The following PATJ variants were observed in gnomAD, a reference collection of about 807,000 sequenced individuals.
The protein encoded by PATJ is inaD-like protein.
PATJ carries 190 observed loss-of-function variants against 224.9 expected under a neutral mutation model. The observed-to-expected ratio is 0.84, with a 90% CI of 0.75 to 0.95. The LOEUF (loss-of-function observed/expected upper bound fraction) is 0.95. PATJ is among the 40% of genes least tolerant of loss of function. PATJ has a pLI of 0.00. For missense variants in PATJ, 2,121 were observed against 2,270.3 expected, an observed-to-expected ratio of 0.93 and a Z score of 1.34; for synonymous variants, 769 against 820.3, an observed-to-expected ratio of 0.94 and a Z score of 1.07.
At chr1:61,750,252 A>C (rs1296128749) in intron 1 of PATJ, among the ~76,000 whole-genome samples, 2 of 152,052 alleles carry the variant, frequency 1.3e-5, no homozygotes, top group African/African-American at 2.4e-5. Context: ...CCTTGCTTTG[A>C]CCCTTTGCAC....
chr1:62,062,392 C>CTTTTTTTTTTTTTTTTTTTTTTTTT lies in PATJ; in HGVS notation c.4125+11337_4125+11361dup, dbSNP rs60747316. Among the ~76,000 whole-genome samples, 12 of 28,456 alleles carry CTTTTTTTTTTTTTTTTTTTTTTTTT rather than the reference C, an allele frequency of 4.2e-4. 2 individuals are homozygous for CTTTTTTTTTTTTTTTTTTTTTTTTT. Among genetic ancestry groups the CTTTTTTTTTTTTTTTTTTTTTTTTT allele is most frequent in the African/African-American group, 6.4e-4 (4 of 6,264 alleles). The allele number at this position is 28,456 out of a possible 152,430, so 18.7% of individuals were successfully genotyped here. ...TGGTTGGCTGCTTCTATGTTGTCTT[C>CTTTTTTTTTTTTTTTTTTTTTTTTT]TTTTTTTTTTTTTTTTTTTTTTTTT... On this transcript the variant is annotated intron_variant, in intron 31 of 43. Coordinates refer to ENST00000642238, the MANE Select transcript of PATJ (RefSeq NM_001350145.3).
chr1:61,857,137 A>G (rs1663817629), intron 18 of PATJ, among the ~76,000 whole-genome samples: 1 of 152,124 alleles, frequency 6.6e-6, no homozygotes, highest in Non-Finnish European at 1.5e-5. Flanking sequence ...CTTATGACTG[A>G]AGGCTACATT....
chr1:61,974,214 G>T (rs143707657), intron 27 of PATJ, among the ~76,000 whole-genome samples: 1 of 151,948 alleles, frequency 6.6e-6, no homozygotes, highest in Non-Finnish European at 1.5e-5. Context: ...GATAGTTTGA[G>T]CATGGGCGCC....
At chr1:62,143,319 A>G (rs1357466187) in intron 41 of PATJ, among the ~76,000 whole-genome samples, 1 of 152,132 alleles carries the variant, frequency 6.6e-6, no homozygotes, top group East Asian at 1.9e-4. Context: ...AGAAAAGTGA[A>G]TTGAAGGAGA....
intron 27 of PATJ, among the ~76,000 whole-genome samples, chr1:61,942,844 C>A (rs1678024089): frequency 6.6e-6 from 1 of 152,142 alleles, no homozygotes; most frequent in South Asian, 2.1e-4. Context: ...CCACCATGCC[C>A]AGCCAGCAGT....
At chr1:61,838,009 G>A (rs1253931808) in intron 17 of PATJ, among the ~76,000 whole-genome samples, 1 of 152,100 alleles carries the variant, frequency 6.6e-6, no homozygotes, top group African/African-American at 2.4e-5. Context: ...AGTACAAAGT[G>A]TGAAAATTCA....
At chr1:61,905,412 A>G (rs1272911495) in intron 24 of PATJ, among the ~76,000 whole-genome samples, 2 of 152,270 alleles carry the variant, frequency 1.3e-5, no homozygotes, top group Non-Finnish European at 2.9e-5. Context: ...ATTTCAAGAT[A>G]TGAATTGTGA....
chr1:62,079,193 CAG>C (rs1658842787), intron 31 of PATJ, among the ~76,000 whole-genome samples: 1 of 152,122 alleles, frequency 6.6e-6, no homozygotes, highest in Non-Finnish European at 1.5e-5. Flanking sequence ...ATCACACTGA[CAG>C]AGTATCTTCA....
chr1:62,042,303 G>C (rs1651661453), intron 30 of PATJ, among the ~76,000 whole-genome samples: 1 of 152,190 alleles, frequency 6.6e-6, no homozygotes, highest in African/African-American at 2.4e-5. Context: ...ACTGTTGGCT[G>C]TGGTAACTGC....
chr1:61,875,847 A>G (rs1406243752), intron 21 of PATJ, among the ~76,000 whole-genome samples: 2 of 152,160 alleles, frequency 1.3e-5, no homozygotes, highest in Non-Finnish European at 2.9e-5. Context: ...AAGAATTCTA[A>G]AAGTATAGTG....
chr1:61,989,009 A>T (rs1252000000), intron 27 of PATJ, among the ~76,000 whole-genome samples: 1 of 152,226 alleles, frequency 6.6e-6, no homozygotes, highest in Non-Finnish European at 1.5e-5. Flanking sequence ...GGTAGTAGGC[A>T]TGAAGCCTTT....
At chr1:61,977,799 C>A (rs113564013) in intron 27 of PATJ, among the ~76,000 whole-genome samples, 5,869 of 150,832 alleles carry the variant, frequency 0.039, 339 homozygotes, top group African/African-American at 0.11. Flanking sequence ...AGGATCCCTG[C>A]GGCCAGGAGT....
chr1:62,092,508 G>A (rs796077738), intron 33 of PATJ, among the ~76,000 whole-genome samples: 15 of 146,698 alleles, frequency 1.0e-4, no homozygotes, highest in East Asian at 4.0e-4. Context: ...CACTCTTGTC[G>A]TCCAGGCTGG....
chr1:62,017,389 G>A (rs1056820019), intron 28 of PATJ, among the ~76,000 whole-genome samples: 7 of 150,098 alleles, frequency 4.7e-5, no homozygotes, highest in African/African-American at 1.7e-4. Context: ...ACCCCATCCT[G>A]GGTGACTAAG....
intron 22 of PATJ, among the ~76,000 whole-genome samples, chr1:61,887,734 G>A (rs910228226): frequency 2.0e-5 from 3 of 152,144 alleles, no homozygotes; most frequent in Admixed American, 6.5e-5. Context: ...GTCTTGGGGT[G>A]CGGCGTGACA....
intron 18 of PATJ, among the ~76,000 whole-genome samples, chr1:61,859,385 G>T (rs569208741): frequency 6.6e-6 from 1 of 152,054 alleles, no homozygotes; most frequent in Non-Finnish European, 1.5e-5. Flanking sequence ...GGCCAATGAA[G>T]GGATTGAGAG....
rs139958274 is a variant in PATJ, at chr1:61,964,833, C to T, written c.3671-25335C>T. 9.5e-3 allele frequency among the ~76,000 whole-genome samples: 1,438 copies of T among 151,264 alleles called. 14 individuals are homozygous for T. Among genetic ancestry groups the T allele is most frequent in the African/African-American group, 0.013 (548 of 41,232 alleles). On this transcript the variant is annotated intron_variant, in intron 27 of 43. Coordinates refer to ENST00000642238, the MANE Select transcript of PATJ (RefSeq NM_001350145.3). ...AAAAAGGTATTTAAATCCTGCTGGCCGACCGTGGTGGCCGATGCCTGTAAT... is the reference window on the plus strand; with the variant it reads ...AAAAAGGTATTTAAATCCTGCTGGCTGACCGTGGTGGCCGATGCCTGTAAT...
At chr1:61,800,474 T>A (rs1035501703) in intron 11 of PATJ, among the ~76,000 whole-genome samples, 1 of 152,210 alleles carries the variant, frequency 6.6e-6, no homozygotes, top group African/African-American at 2.4e-5. Context: ...GGAACCTGAA[T>A]ATTAGTTGTT....
intron 31 of PATJ, among the ~76,000 whole-genome samples, chr1:62,065,018 A>C (rs777176189): frequency 2.0e-5 from 3 of 152,216 alleles, no homozygotes; most frequent in Non-Finnish European, 4.4e-5. Flanking sequence ...GTTCAAGTGC[A>C]TTCAAATATG....
Sources: gnomAD v4.1 joint callset for allele counts (sites outside exome capture counted in the v4.1 genomes callset) on GRCh38, gnomAD v4.1.1 for gene constraint, MANE v1.5 for transcripts, NCBI Gene and HGNC (gene_info 2026-07-23, HGNC 2026-07-21) for gene names.